CFAP44: variants seen among roughly 807,000 people sequenced by gnomAD.
CFAP44 encodes the protein cilia and flagella associated protein 44.
Under a neutral mutation model 216.2 loss-of-function variants are expected in CFAP44, and 134 were observed. The observed-to-expected ratio is 0.62, with a 90% CI of 0.54 to 0.72. The LOEUF (loss-of-function observed/expected upper bound fraction) is 0.72. Among genes scored for constraint, CFAP44 ranks in the 30% least tolerant of loss-of-function variants. The pLI is 0.00. For synonymous variants in CFAP44, 700 were observed against 727.6 expected (o/e 0.96, Z 0.61); for missense variants, 2,035 against 2,182.1 (o/e 0.93, Z 1.34).
At chr3:113,406,838 A>G (rs1466915817) in intron 8 of CFAP44, 89 bp downstream of exon 8, 2 of 779,896 alleles carry the variant, frequency 2.6e-6, no homozygotes, top group Non-Finnish European at 4.2e-6. Context: ...TGTTATTGGC[A>G]GAGCTTGTTA....
chr3:113,338,829 G>A (rs1478736742), intron 24 of CFAP44, among the ~76,000 whole-genome samples: 1 of 152,172 alleles, frequency 6.6e-6, no homozygotes, highest in African/African-American at 2.4e-5. Flanking sequence ...TGTTTAGGGT[G>A]AGGATTTCTA....
At chr3:113,431,387 G>C (rs1394474080) in intron 2 of CFAP44, among the ~76,000 whole-genome samples, 1 of 152,146 alleles carries the variant, frequency 6.6e-6, no homozygotes, top group Non-Finnish European at 1.5e-5. Flanking sequence ...GGCAATGCTA[G>C]ACAAAGGGTC....
intron 22 of CFAP44, among the ~76,000 whole-genome samples, chr3:113,349,236 C>T (rs530922724): frequency 6.6e-6 from 1 of 152,268 alleles, no homozygotes; most frequent in Non-Finnish European, 1.5e-5. Context: ...AAATATACTC[C>T]CCTGTCAGCC....
chr3:113,321,847 AT>A (rs1950148541), intron 28 of CFAP44, among the ~76,000 whole-genome samples: 1 of 152,176 alleles, frequency 6.6e-6, no homozygotes, highest in African/African-American at 2.4e-5. Flanking sequence ...TTACAAAACA[AT>A]GCTGAGAGAA....
chr3:113,324,079 AACAACC>A (rs1450142035), intron 28 of CFAP44, among the ~76,000 whole-genome samples: 1 of 151,758 alleles, frequency 6.6e-6, no homozygotes, highest in African/African-American at 2.4e-5. Context: ...AGATCATTTG[AACAACC>A]CTATAACTAT....
intron 21 of CFAP44, among the ~76,000 whole-genome samples, chr3:113,362,232 T>G (rs1436213358): frequency 2.0e-5 from 3 of 151,956 alleles, no homozygotes; most frequent in African/African-American, 7.3e-5. Flanking sequence ...TGTACCGGAG[T>G]GCTCTGTGAA....
chr3:113,351,633 T>TG, intron 22 of CFAP44, among the ~76,000 whole-genome samples: 1 of 152,116 alleles, frequency 6.6e-6, no homozygotes, highest in Non-Finnish European at 1.5e-5. Context: ...CACTAACCAG[T>TG]CAGGGATAGT....
chr3:113,393,106 G>A lies in CFAP44; in HGVS notation c.1890+2644C>T, dbSNP rs139115343. 3.0e-4 allele frequency among the ~76,000 whole-genome samples: 46 copies of A among 152,296 alleles called. No homozygotes were observed. In the East Asian group the frequency reaches 5.0e-3, roughly 17 times the overall value. ...AAGCCATCAGGCAGAAGCTTAATAC[G>A]TTATGCTCAGATATGAGATCTGATA... On this transcript the variant is annotated intron_variant, in intron 15 of 34. Coordinates refer to ENST00000393845, the MANE Select transcript of CFAP44 (RefSeq NM_001164496.2).
chr3:113,304,271 C>T, intron 31 of CFAP44, 154 bp from the exon 32 acceptor site: 1 of 703,916 alleles, frequency 1.4e-6, no homozygotes, highest in Non-Finnish European at 2.3e-6. Context: ...AGTAGCCAGG[C>T]AAACACAGAA....
At chr3:113,423,894 A>G (rs1034708353) in intron 4 of CFAP44, among the ~76,000 whole-genome samples, 8 of 152,206 alleles carry the variant, frequency 5.3e-5, no homozygotes, top group Non-Finnish European at 1.0e-4. Flanking sequence ...AGAAAACGAA[A>G]GTGAGGTACA....
intron 28 of CFAP44, among the ~76,000 whole-genome samples, chr3:113,310,708 TCA>T (rs35208718): frequency 0.013 from 2,023 of 152,248 alleles, 47 homozygotes; most frequent in African/African-American, 0.046. Flanking sequence ...GGTGATTGGA[TCA>T]TCAGGGAGGA....
chr3:113,439,267 G>A (rs537079618), intron 1 of CFAP44, among the ~76,000 whole-genome samples: 6 of 152,266 alleles, frequency 3.9e-5, no homozygotes, highest in African/African-American at 1.4e-4. Context: ...AAAGAACCCT[G>A]ACAAATAGAG....
chr3:113,440,231 T>G (rs764516737), intron 1 of CFAP44, among the ~76,000 whole-genome samples: 3 of 152,138 alleles, frequency 2.0e-5, no homozygotes, highest in African/African-American at 4.8e-5. Flanking sequence ...GCCCGGCTAA[T>G]TTTTGTATTT....
chr3:113,381,075 T>C lies in CFAP44; in HGVS notation c.1891-15A>G, dbSNP rs1488721882. The C allele has an allele frequency of 3.3e-6, 5 of 1,537,114 alleles. No individual in the cohort carries two copies. Among genetic ancestry groups the C allele is most frequent in the Non-Finnish European group, 4.4e-6 (5 of 1,147,878 alleles). On this transcript the variant is annotated splice_polypyrimidine_tract_variant and intron_variant, in intron 15 of 34. Coordinates refer to ENST00000393845, the MANE Select transcript of CFAP44 (RefSeq NM_001164496.2). ...GTACTTTCAGGCTAAAAAAGAAAAA[T>C]TGAACATATTTACATTTAGGCAAAT...
chr3:113,311,648 C>T (rs758154887), intron 28 of CFAP44, among the ~76,000 whole-genome samples: 2 of 152,148 alleles, frequency 1.3e-5, no homozygotes, highest in East Asian at 1.9e-4. Context: ...TAGAGTGGGG[C>T]GCTGTTGAAC....
rs1457973188 is a variant in CFAP44 at position 113,363,145 on chromosome 3, T to G, written c.2934A>C (p.Thr978=). ...KLPKHMQFKR[T]DFDVDSQIRA... ...AAAATCAAGTTTATATTAGGCTTAC[T>G]GTTCGTTTAAACTGCATATGCTTTG... Residue 978 remains threonine (T), a splice_region_variant and synonymous_variant, in exon 21 of 35, where the codon ACA becomes ACC. Transcript: ENST00000393845. 4 of 1,587,078 alleles carry G rather than the reference T, an allele frequency of 2.5e-6. No homozygotes were observed. Among genetic ancestry groups the G allele is most frequent in the Non-Finnish European group, 3.4e-6 (4 of 1,170,546 alleles).
rs200919084 is a variant in CFAP44 at position 113,324,042 on chromosome 3, C to CAAAAAAAAAAAAAAAAA, written c.4516+2386_4516+2402dup. Among the ~76,000 whole-genome samples, 207 of 71,748 alleles carry CAAAAAAAAAAAAAAAAA rather than the reference C, an allele frequency of 2.9e-3. 6 individuals are homozygous for CAAAAAAAAAAAAAAAAA. Among genetic ancestry groups the CAAAAAAAAAAAAAAAAA allele is most frequent in the East Asian group, 0.011 (25 of 2,324 alleles). 47.1% of individuals were successfully genotyped at this position (71,748 alleles called of 152,430 possible). ...CTGGTGACAGAGCAAGACTCCGTCT[C>CAAAAAAAAAAAAAAAAA]AAAAAAAAAAAAAAAAAGAGAGAAA... On this transcript the variant is annotated intron_variant, in intron 28 of 34. Transcript: ENST00000393845.
chr3:113,427,562 T>A (rs1037992707), intron 2 of CFAP44: 9 of 435,988 alleles, frequency 2.1e-5, no homozygotes, highest in Non-Finnish European at 3.2e-5. Flanking sequence ...TTCAGTCTAT[T>A]TCCTATCATT....
At chr3:113,309,814 C>T (rs542670018) in intron 28 of CFAP44, among the ~76,000 whole-genome samples, 41 of 152,264 alleles carry the variant, frequency 2.7e-4, no homozygotes, top group African/African-American at 9.9e-4. Context: ...TTCTTTTAGC[C>T]TCATCTACCT....
Sources: allele counts gnomAD v4.1 joint callset (sites outside exome capture counted in the v4.1 genomes callset), GRCh38; gene constraint gnomAD v4.1.1; transcripts MANE v1.5; gene names NCBI Gene and HGNC (gene_info 2026-07-23, HGNC 2026-07-21).